Variants in PPP2R2B observed in about 807,000 individuals in gnomAD.
The protein encoded by PPP2R2B is serine/threonine-protein phosphatase 2A 55 kDa regulatory subunit B beta isoform.
Under a neutral mutation model 46.0 loss-of-function variants are expected in PPP2R2B, and 5 were observed. That is an observed-to-expected ratio of 0.11 (90% CI 0.06 to 0.23). PPP2R2B has a LOEUF of 0.23. PPP2R2B is among the 10% of genes least tolerant of loss of function. PPP2R2B has a pLI of 1.00. For synonymous variants in PPP2R2B, 215 were observed against 206.7 expected (o/e 1.04, Z -0.34); for missense variants, 367 against 575.0 (o/e 0.64, Z 3.70).
At chr5:146,802,609 A>G (rs1316351995) in intron 2 of PPP2R2B, among the ~76,000 whole-genome samples, 1 of 152,184 alleles carries the variant, frequency 6.6e-6, no homozygotes. Context: ...GTTCTGAAGA[A>G]TCCCAGGCTC....
intron 7 of PPP2R2B, among the ~76,000 whole-genome samples, chr5:146,616,533 A>C (rs917305223): frequency 6.6e-6 from 1 of 152,226 alleles, no homozygotes; most frequent in African/African-American, 2.4e-5. Context: ...CTATAGGAAA[A>C]AAATATCTAA....
intron 1 of PPP2R2B, among the ~76,000 whole-genome samples, chr5:147,022,736 G>A (rs1755340478): frequency 6.6e-6 from 1 of 151,780 alleles, no homozygotes; most frequent in African/African-American, 2.4e-5. Flanking sequence ...TTACATACAG[G>A]AATACACATT....
intron 2 of PPP2R2B, among the ~76,000 whole-genome samples, chr5:146,758,937 C>A (rs1357907675): frequency 6.6e-6 from 1 of 151,388 alleles, no homozygotes; most frequent in African/African-American, 2.4e-5. Flanking sequence ...TTTTTTTTTT[C>A]CCAAATGGAA....
Position 146,691,158 on chromosome 5 carries a change from G to A in PPP2R2B, c.417C>T (p.Leu139=), listed in dbSNP as rs747824350. Residue 139 remains leucine (L), a synonymous_variant, in exon 5 of 10, where the codon CTC becomes CTT. Transcript: ENST00000394411. ...GYNLKDEEGR[L]RDPATITTLR... ...GGGTTGTGATGGTGGCAGGATCCCG[G>A]AGCCGGCCCTCCTCATCTTTCAGAT... is the stretch of plus-strand genomic sequence containing the variant. The A allele has an allele frequency of 1.5e-4, 243 of 1,613,990 alleles. No individual in the cohort carries two copies. Among genetic ancestry groups the A allele is most frequent in the Non-Finnish European group, 2.0e-4 (231 of 1,180,046 alleles).
intron 7 of PPP2R2B, among the ~76,000 whole-genome samples, chr5:146,633,841 C>T (rs1218754650): frequency 1.3e-5 from 2 of 152,210 alleles, no homozygotes; most frequent in African/African-American, 2.4e-5. Flanking sequence ...CCTGGGCTCT[C>T]CCCGTCTGCT....
chr5:146,880,981 G>T (rs1762147541), upstream of PPP2R2B, among the ~76,000 whole-genome samples: 1 of 152,078 alleles, frequency 6.6e-6, no homozygotes. Context: ...AAAAGCTGTT[G>T]GCTCTGTGCC....
chr5:146,965,974 G>C (rs1752384334), intron 1 of PPP2R2B, among the ~76,000 whole-genome samples: 1 of 152,172 alleles, frequency 6.6e-6, no homozygotes, highest in Non-Finnish European at 1.5e-5. Context: ...AATAATGTTT[G>C]TAAAGCTCTT....
intron 2 of PPP2R2B, among the ~76,000 whole-genome samples, chr5:146,784,778 A>C (rs1330505472): frequency 6.6e-6 from 1 of 152,220 alleles, no homozygotes; most frequent in Non-Finnish European, 1.5e-5. Flanking sequence ...TTTCCACATC[A>C]GAAAAGAAGG....
intron 2 of PPP2R2B, among the ~76,000 whole-genome samples, chr5:146,702,391 A>G (rs973889127): frequency 2.0e-5 from 3 of 152,218 alleles, no homozygotes; most frequent in African/African-American, 7.2e-5. Flanking sequence ...CAAGCTAGAC[A>G]CATTTAAAAG....
chr5:146,676,082 G>A, intron 5 of PPP2R2B, among the ~76,000 whole-genome samples: 1 of 152,026 alleles, frequency 6.6e-6, no homozygotes, highest in East Asian at 1.9e-4. Flanking sequence ...GCCCTGACAT[G>A]TATTGAAACA....
intron 2 of PPP2R2B, among the ~76,000 whole-genome samples, chr5:146,748,233 G>A (rs1057265639): frequency 6.6e-6 from 1 of 152,002 alleles, no homozygotes; most frequent in African/African-American, 2.4e-5. Flanking sequence ...ACCCATGGCT[G>A]GTTGATTTCC....
At position 146,793,279 on chromosome 5, in the gene PPP2R2B, G is replaced by A. The variant is rs537800865; in HGVS notation, c.70+84723C>T. Among the ~76,000 whole-genome samples, 50 of 152,182 alleles carry A rather than the reference G, an allele frequency of 3.3e-4. No individual in the cohort carries two copies. In the South Asian group the frequency reaches 6.0e-3, roughly 18 times the overall value. The stretch of plus-strand genomic sequence containing the variant: ...TCAGGAGATGATCAGAAGTTCAGTC[G>A]GAAATATTAAGTCTGCGATATTTTA... On this transcript the variant is annotated intron_variant, in intron 2 of 9. Coordinates refer to ENST00000394411, the MANE Select transcript of PPP2R2B (RefSeq NM_181675.4).
chr5:146,918,269 C>A (rs1763465408), intron 1 of PPP2R2B: 1 of 152,196 alleles, frequency 6.6e-6, no homozygotes, highest in Admixed American at 6.5e-5. Flanking sequence ...TGCACTACTG[C>A]AAGTTGAGAA....
intron 1 of PPP2R2B, among the ~76,000 whole-genome samples, chr5:146,930,572 G>T (rs796073290): frequency 6.6e-5 from 10 of 152,240 alleles, no homozygotes; most frequent in African/African-American, 2.4e-4. Flanking sequence ...AGCCTGTTTT[G>T]AACAGGCTTC....
intron 5 of PPP2R2B, among the ~76,000 whole-genome samples, chr5:146,652,502 CAAGA>C (rs766949493): frequency 1.2e-3 from 185 of 152,044 alleles, no homozygotes; most frequent in Non-Finnish European, 2.2e-3. Flanking sequence ...GATATACTGC[CAAGA>C]GGGATTTAAC....
At chr5:146,609,051 C>T (rs1772582564) in intron 7 of PPP2R2B, among the ~76,000 whole-genome samples, 2 of 152,036 alleles carry the variant, frequency 1.3e-5, no homozygotes, top group Admixed American at 1.3e-4. Flanking sequence ...CCGAATTCAA[C>T]AATACATTAA....
At chr5:146,801,005 G>A (rs1250690794) in intron 2 of PPP2R2B, among the ~76,000 whole-genome samples, 1 of 151,952 alleles carries the variant, frequency 6.6e-6, no homozygotes, top group Non-Finnish European at 1.5e-5. Context: ...CCTTTAAAAG[G>A]AAGGAAATCC....
intron 2 of PPP2R2B, among the ~76,000 whole-genome samples, chr5:146,777,303 A>G (rs1219476740): frequency 1.3e-5 from 2 of 152,174 alleles, no homozygotes; most frequent in Non-Finnish European, 2.9e-5. Flanking sequence ...AAAAGGAATG[A>G]AGTTCTAATA....
chr5:146,726,468 T>C (rs1751876179), intron 2 of PPP2R2B, among the ~76,000 whole-genome samples: 1 of 152,170 alleles, frequency 6.6e-6, no homozygotes, highest in South Asian at 2.1e-4. Flanking sequence ...TTATTAACAA[T>C]AGTGACCATA....
Sources: allele counts gnomAD v4.1 joint callset (sites outside exome capture counted in the v4.1 genomes callset), GRCh38; gene constraint gnomAD v4.1.1; transcripts MANE v1.5; gene names NCBI Gene and HGNC (gene_info 2026-07-23, HGNC 2026-07-21).